The following NRDE2 variants were observed in gnomAD, a reference collection of about 807,000 sequenced individuals.
NRDE2 encodes the protein nuclear exosome regulator NRDE2.
In NRDE2, 76 loss-of-function variants were observed where a neutral mutation model predicts 124.2. The ratio of observed to expected loss-of-function variants is 0.61; its 90% CI spans 0.51 to 0.74. NRDE2 has a LOEUF of 0.74. Among genes scored for constraint, NRDE2 ranks in the 30% least tolerant of loss-of-function variants. NRDE2 has a pLI of 0.00. For missense variants in NRDE2, 1,314 were observed against 1,417.3 expected, an observed-to-expected ratio of 0.93 and a Z score of 1.17; for synonymous variants, 489 against 528.1, an observed-to-expected ratio of 0.93 and a Z score of 1.01.
At chr14:90,292,365 C>T (rs1892293604) in intron 9 of NRDE2, among the ~76,000 whole-genome samples, 1 of 152,124 alleles carries the variant, frequency 6.6e-6, no homozygotes, top group African/African-American at 2.4e-5. Context: ...GTATGTATCC[C>T]ACAGGGCTCC....
intron 8 of NRDE2, among the ~76,000 whole-genome samples, chr14:90,296,561 C>T (rs191284250): frequency 1.3e-5 from 2 of 152,250 alleles, no homozygotes; most frequent in African/African-American, 2.4e-5. Context: ...TCTGAACTGT[C>T]GTGCAAGACA....
chr14:90,324,963 G>A lies in NRDE2; in HGVS notation c.65-6850C>T, dbSNP rs564798505. 9.9e-5 allele frequency among the ~76,000 whole-genome samples: 15 copies of A among 152,248 alleles called. No individual in the cohort carries two copies. In the South Asian group the frequency reaches 1.2e-3, roughly 13 times the overall value. On this transcript the variant is annotated intron_variant, in intron 1 of 13. Transcript: ENST00000354366. ...AGGGAGCAATGGCAGGACTAACGGC[G>A]GGGACGCTATTTTAGGAGGCTGTTG...
At chr14:90,306,951 T>C (rs1884624541) in intron 4 of NRDE2, among the ~76,000 whole-genome samples, 1 of 152,218 alleles carries the variant, frequency 6.6e-6, no homozygotes, top group Non-Finnish European at 1.5e-5. Flanking sequence ...ACAAAAAATA[T>C]ACAGTATTTT....
In NRDE2 at chr14:90,302,851, C is replaced by T. The variant is rs1190330637; in HGVS notation, c.1280G>A (p.Ser427Asn). 1 of 1,614,070 alleles carries T rather than the reference C, an allele frequency of 6.2e-7. No individual in the cohort carries two copies. ...LWQKYLLFCQ[S>N]QFSTFSISKI... ...TGATATCGAAAAGGTACTAAACTGG[C>T]TCTGGCAAAATAAAAGGTATTTCTG... The change falls in exon 6 of 14, where the codon AGC becomes AAC. Residue 427 changes from serine to asparagine, a missense_variant. Transcript: ENST00000354366.
chr14:90,301,265 C>A lies in NRDE2; in HGVS notation c.1519G>T (p.Val507Leu), dbSNP rs79341977. The A allele has an allele frequency of 2.5e-5, 41 of 1,613,520 alleles. No homozygotes were observed. The highest frequency in any genetic ancestry group is 3.3e-5 in the Non-Finnish European group (39 of 1,179,730). ...TGTCCTTTGGTAGGCAGATCTTTCA[C>A]GCTGTCGGGTTTGAAGAAGGTGAAG... ...VDFTFFKPDSVKDLPTKGQVE... is the reference protein window; with the variant it reads ...VDFTFFKPDSLKDLPTKGQVE... The change falls in exon 7 of 14, where the codon GTG becomes TTG. Residue 507 changes from valine (V) to leucine (L), a missense_variant. Val to Leu is a conservative substitution (Grantham distance 32). Transcript: ENST00000354366.
rs200362521 is a variant in NRDE2, at chr14:90,288,334, G to C, written c.3041C>G (p.Ala1014Gly). The C allele has an allele frequency of 6.2e-7, 1 of 1,614,212 alleles. No individual in the cohort carries two copies. Among genetic ancestry groups the C allele is most frequent in the Admixed American group, 1.7e-5 (1 of 60,030 alleles). ...GTCAAAAAATCTCCTGGTTTTGCTG[G>C]CACTGTGGGACTTATTCTGAATCTG... ...YVQIQNKSHS[A>G]SKTRRFFDTI... is the part of the protein sequence containing the mutation. The change falls in exon 11 of 14, where the codon GCC becomes GGC. Residue 1014 changes from alanine (A) to glycine (G), a missense_variant. Ala to Gly is a moderately conservative substitution (Grantham distance 60). Transcript: ENST00000354366.
In NRDE2 at chr14:90,272,967, C is replaced by A. The variant is rs946173514; in HGVS notation, c.*5369G>T. Reference sequence around the variant, plus strand: ...GGGCAGAAAATAACTACTGGTGTTCCCAAGAGACTGAGGATTCCTAGAGAT... The same window carrying A: ...GGGCAGAAAATAACTACTGGTGTTCACAAGAGACTGAGGATTCCTAGAGAT... On this transcript the variant is annotated 3_prime_UTR_variant, in exon 14 of 14. Coordinates refer to ENST00000354366, the MANE Select transcript of NRDE2 (RefSeq NM_017970.4). The surrounding 1 kb of genome is among the most constrained non-coding windows in gnomAD (Gnocchi z 4.5). The A allele has an allele frequency of 6.6e-6, 1 of 152,172 alleles. No individual in the cohort carries two copies. Among genetic ancestry groups the A allele is most frequent in the Non-Finnish European group, 1.5e-5 (1 of 68,048 alleles). The allele number at this position is 152,172 out of a possible 1,614,324, so 9.4% of individuals were successfully genotyped here.
At chr14:90,309,806 T>C (rs768190491) in intron 4 of NRDE2, among the ~76,000 whole-genome samples, 7 of 152,208 alleles carry the variant, frequency 4.6e-5, no homozygotes, top group Non-Finnish European at 8.8e-5. Flanking sequence ...AACAGTTATA[T>C]AGCTACTAAT....
chr14:90,311,545 C>T (rs1359271923), intron 4 of NRDE2, among the ~76,000 whole-genome samples: 2 of 152,164 alleles, frequency 1.3e-5, no homozygotes, highest in African/African-American at 2.4e-5. Context: ...GCCTTTGCTC[C>T]TTCTCCACCT....
At position 90,270,676 on chromosome 14, in the gene NRDE2, G is replaced by A. The variant is rs1156917894; in HGVS notation, c.*7660C>T. On this transcript the variant is annotated 3_prime_UTR_variant, in exon 14 of 14. Coordinates refer to ENST00000354366, the MANE Select transcript of NRDE2 (RefSeq NM_017970.4). ...CCAGGTCAGGGGAAGGGTATGTCCT[G>A]GGAGAACTCTCCCCAGAGCCGCAGA... is the stretch of plus-strand genomic sequence containing the variant. The A allele has an allele frequency of 4.7e-6, 1 of 211,132 alleles. No individual in the cohort carries two copies. Among genetic ancestry groups the A allele is most frequent in the African/African-American group, 2.3e-5 (1 of 44,028 alleles). The allele number at this position is 211,132 out of a possible 1,614,324, so 13.1% of individuals were successfully genotyped here.
At position 90,318,312 on chromosome 14, in the gene NRDE2, C is replaced by T. The variant is rs1454559738; in HGVS notation, c.65-199G>A. Among the ~76,000 whole-genome samples, 13 of 152,202 alleles carry T rather than the reference C, an allele frequency of 8.5e-5. 1 individual carries two copies. The highest frequency in any genetic ancestry group is 1.8e-4 in the Non-Finnish European group (12 of 68,036). ...TCACAGGGCATGGCTTTAATACCCT[C>T]TAAAATATTCTAGACCAAAATCCTT... On this transcript the variant is annotated intron_variant, in intron 1 of 13. Transcript: ENST00000354366.
chr14:90,285,809 T>C (rs910749819), intron 12 of NRDE2, among the ~76,000 whole-genome samples: 10 of 151,914 alleles, frequency 6.6e-5, no homozygotes. Context: ...AATGTTTTAA[T>C]TTTTTTGTAG....
chr14:90,329,841 A>G (rs1331687872), intron 1 of NRDE2, among the ~76,000 whole-genome samples: 1 of 151,076 alleles, frequency 6.6e-6, no homozygotes, highest in Non-Finnish European at 1.5e-5. Flanking sequence ...GCCTCAAAAA[A>G]AAAAAAAAAA....
chr14:90,288,988 G>C lies in NRDE2; in HGVS notation c.2387C>G (p.Thr796Arg). ...GTCAAAAACTTTTCTGGCATCCTCC[G>C]TGTTGCCAAGCAACCACTCCAGATG... is the stretch of plus-strand genomic sequence containing the variant. ...YAHLEWLLGN[T>R]EDARKVFDTA... The change falls in exon 11 of 14, where the codon ACG (threonine) becomes AGG (arginine). Residue 796 changes from threonine (T) to arginine (R), a missense_variant. Physicochemically the swap from Thr to Arg is moderately conservative, Grantham distance 71. Coordinates refer to ENST00000354366, the MANE Select transcript of NRDE2 (RefSeq NM_017970.4). 1 of 1,613,402 alleles carries C rather than the reference G, an allele frequency of 6.2e-7. No individual in the cohort carries two copies. Among genetic ancestry groups the C allele is most frequent in the Non-Finnish European group, 8.5e-7 (1 of 1,179,390 alleles).
intron 7 of NRDE2, among the ~76,000 whole-genome samples, chr14:90,300,426 A>G (rs1884351269): frequency 1.3e-5 from 2 of 152,206 alleles, no homozygotes; most frequent in Admixed American, 1.3e-4. Flanking sequence ...GCCTCTCAAG[A>G]AACACTTTTG....
chr14:90,327,506 G>A (rs991562149), intron 1 of NRDE2, among the ~76,000 whole-genome samples: 9 of 150,758 alleles, frequency 6.0e-5, no homozygotes, highest in African/African-American at 1.7e-4. Context: ...CTGTGATTGC[G>A]CCACTACACT....
In NRDE2 at chr14:90,319,152, G is replaced by C. The variant is rs567877543; in HGVS notation, c.65-1039C>G. On this transcript the variant is annotated intron_variant, in intron 1 of 13. Coordinates refer to ENST00000354366, the MANE Select transcript of NRDE2 (RefSeq NM_017970.4). ...ACTTTTAGGAGTCTTAGCTGTGAAGGGAAGAAAAAAAACATGGGATGGCAG... is the reference window on the plus strand; with the variant it reads ...ACTTTTAGGAGTCTTAGCTGTGAAGCGAAGAAAAAAAACATGGGATGGCAG... 1.4e-4 allele frequency among the ~76,000 whole-genome samples: 21 copies of C among 152,174 alleles called. No homozygotes were observed. In the South Asian group the frequency reaches 3.7e-3, roughly 27 times the overall value.
At chr14:90,292,033 A>G (rs551892029) in intron 9 of NRDE2, among the ~76,000 whole-genome samples, 10 of 152,380 alleles carry the variant, frequency 6.6e-5, no homozygotes, top group African/African-American at 2.4e-4. Flanking sequence ...AGGTATCGAG[A>G]CAGCATTTCT....
intron 1 of NRDE2, among the ~76,000 whole-genome samples, chr14:90,327,262 G>A (rs1373094648): frequency 6.6e-6 from 1 of 152,200 alleles, no homozygotes; most frequent in Non-Finnish European, 1.5e-5. Context: ...AAAGATGATT[G>A]GGTCAGGCCC....
Sources: gnomAD v4.1 joint callset for allele counts (sites outside exome capture counted in the v4.1 genomes callset) on GRCh38, gnomAD v4.1.1 for gene constraint, Gnocchi (gnomAD v3.1) non-coding constraint, MANE v1.5 for transcripts, NCBI Gene and HGNC (gene_info 2026-07-23, HGNC 2026-07-21) for gene names.